The following RARB variants were observed in gnomAD, a reference collection of about 807,000 sequenced individuals.
RARB encodes the protein HBV-activated protein.
Under a neutral mutation model 51.9 loss-of-function variants are expected in RARB, and 17 were observed. That is an observed-to-expected ratio of 0.33 (90% CI 0.22 to 0.49). The LOEUF (loss-of-function observed/expected upper bound fraction) is 0.49, where lower values mean the gene tolerates loss of function less well. RARB is among the 20% of genes least tolerant of loss of function. The pLI, the probability that RARB is intolerant of heterozygous loss-of-function variation, is 0.99. For missense variants in RARB, 369 were observed against 550.8 expected (o/e 0.67, Z 3.30); for synonymous variants, 215 against 195.4 (o/e 1.10, Z -0.84).
intron 4 of RARB, among the ~76,000 whole-genome samples, chr3:25,160,847 G>C (rs998902382): frequency 6.6e-6 from 1 of 152,036 alleles, no homozygotes; most frequent in East Asian, 1.9e-4. Flanking sequence ...CATAGGCCTT[G>C]GTCTTTGGCT....
At chr3:25,483,826 A>G (rs973187049) in intron 2 of RARB, among the ~76,000 whole-genome samples, 4 of 152,334 alleles carry the variant, frequency 2.6e-5, no homozygotes, top group Admixed American at 2.0e-4. Flanking sequence ...AAAATATTTT[A>G]TCATTAATGT....
At chr3:24,880,108 C>T (rs1703130111) in intron 2 of RARB, among the ~76,000 whole-genome samples, 1 of 151,884 alleles carries the variant, frequency 6.6e-6, no homozygotes, top group African/African-American at 2.4e-5. Context: ...TTCATCAATG[C>T]TTAATTTTTA....
At chr3:25,079,090 T>TGTTGAC (rs1390242467) in intron 3 of RARB, among the ~76,000 whole-genome samples, 1 of 152,134 alleles carries the variant, frequency 6.6e-6, no homozygotes, top group Admixed American at 6.5e-5. Context: ...CAGTTTTCAG[T>TGTTGAC]GTTGACGCTT....
chr3:25,550,714 T>C (rs1197576059), intron 3 of RARB, among the ~76,000 whole-genome samples: 1 of 152,186 alleles, frequency 6.6e-6, no homozygotes. Context: ...TCATATGCAT[T>C]AGCTATTTAT....
At chr3:24,967,344 A>G (rs1696298171) in intron 2 of RARB, among the ~76,000 whole-genome samples, 2 of 152,082 alleles carry the variant, frequency 1.3e-5, no homozygotes, top group Non-Finnish European at 2.9e-5. Flanking sequence ...TCTCAAGGCT[A>G]CCTATGTTTG....
chr3:25,307,935 G>T (rs988614255), intron 5 of RARB, among the ~76,000 whole-genome samples: 2 of 152,148 alleles, frequency 1.3e-5, no homozygotes, highest in Non-Finnish European at 2.9e-5. Context: ...ACAGCATCAG[G>T]GTTGAGTCGT....
At chr3:25,562,415 T>G (rs1700310649) in intron 3 of RARB, among the ~76,000 whole-genome samples, 1 of 152,170 alleles carries the variant, frequency 6.6e-6, no homozygotes, top group African/African-American at 2.4e-5. Flanking sequence ...TTATTCATAT[T>G]GGGTAGCTCT....
intron 5 of RARB, among the ~76,000 whole-genome samples, chr3:25,360,223 T>G (rs1197856295): frequency 6.6e-6 from 1 of 152,222 alleles, no homozygotes; most frequent in Non-Finnish European, 1.5e-5. Flanking sequence ...CCTTTACCAT[T>G]ATGTAATGGC....
At chr3:25,573,592 C>T (rs768939905) in intron 4 of RARB, among the ~76,000 whole-genome samples, 10 of 152,198 alleles carry the variant, frequency 6.6e-5, no homozygotes, top group Non-Finnish European at 1.2e-4. Flanking sequence ...TTATTGTGAG[C>T]CACTTAAAAT....
At chr3:25,216,824 T>A (rs1379253233) in intron 5 of RARB, among the ~76,000 whole-genome samples, 2 of 151,916 alleles carry the variant, frequency 1.3e-5, no homozygotes, top group African/African-American at 2.4e-5. Context: ...GTCTATAGTT[T>A]TGCTCCTCCA....
chr3:25,232,488 C>A (rs1702202096), intron 5 of RARB, among the ~76,000 whole-genome samples: 1 of 151,770 alleles, frequency 6.6e-6, no homozygotes, highest in Non-Finnish European at 1.5e-5. Flanking sequence ...AAAAGAAAAC[C>A]CAAATAAGCC....
chr3:25,246,836 G>A (rs184185274), intron 5 of RARB, among the ~76,000 whole-genome samples: 10 of 152,304 alleles, frequency 6.6e-5, no homozygotes, highest in Admixed American at 5.9e-4. Context: ...TCCCTTAGCA[G>A]AGCTCAAGCC....
At chr3:25,468,555 T>TA (rs59512048) in intron 2 of RARB, among the ~76,000 whole-genome samples, 2,664 of 151,050 alleles carry the variant, frequency 0.018, 78 homozygotes, top group African/African-American at 0.061. Context: ...CTTTTCCTGT[T>TA]AAAAAAAACA....
chr3:25,009,154 C>G (rs1191895547), intron 2 of RARB, among the ~76,000 whole-genome samples: 2 of 152,076 alleles, frequency 1.3e-5, no homozygotes, highest in African/African-American at 2.4e-5. Flanking sequence ...TTGAGCAAGT[C>G]ACTTAATTCT....
chr3:25,104,898 T>G (rs1360576301), intron 3 of RARB, among the ~76,000 whole-genome samples: 1 of 152,048 alleles, frequency 6.6e-6, no homozygotes, highest in Non-Finnish European at 1.5e-5. Context: ...GTGCTAGAAG[T>G]TGGGGGAGTG....
In RARB at chr3:25,456,660, A is replaced by AATATATATATATAT. The variant is rs59052323; in HGVS notation, c.158-4523_158-4510dup. On this transcript the variant is annotated intron_variant, in intron 1 of 7. Transcript: ENST00000330688. ...CCATCAATTCTGAGGGTGATATTTG[A>AATATATATATATAT]ATATATATATATATATATATATAGA... 1.0e-4 allele frequency among the ~76,000 whole-genome samples: 10 copies of AATATATATATATAT among 96,198 alleles called. No individual in the cohort carries two copies. The East Asian group carries it at 1.2e-3, about 12-fold the overall frequency. 63.1% of individuals were successfully genotyped at this position (96,198 alleles called of 152,430 possible).
chr3:25,395,722 C>G (rs919223707), intron 5 of RARB, among the ~76,000 whole-genome samples: 1 of 151,934 alleles, frequency 6.6e-6, no homozygotes, highest in Non-Finnish European at 1.5e-5. Flanking sequence ...TTGGATTTCT[C>G]TATGCTATCT....
At chr3:25,430,190 C>G (rs1038036025) in intron 1 of RARB, among the ~76,000 whole-genome samples, 3 of 152,218 alleles carry the variant, frequency 2.0e-5, no homozygotes, top group African/African-American at 7.2e-5. Context: ...ATAAGCAGGG[C>G]AAAAAGAATA....
intron 2 of RARB, among the ~76,000 whole-genome samples, chr3:24,962,225 G>T (rs963483639): frequency 2.0e-5 from 3 of 152,058 alleles, no homozygotes; most frequent in African/African-American, 7.2e-5. Flanking sequence ...CACCTCGCCC[G>T]GCCCCTTTGG....
Sources: gnomAD v4.1 joint callset for allele counts (sites outside exome capture counted in the v4.1 genomes callset) on GRCh38, gnomAD v4.1.1 for gene constraint, MANE v1.5 for transcripts, NCBI Gene and HGNC (gene_info 2026-07-23, HGNC 2026-07-21) for gene names.